Variants in PDE4D observed in about 807,000 individuals in gnomAD.
PDE4D encodes the protein phosphodiesterase 4D.
A neutral mutation model predicts 87.4 loss-of-function variants in PDE4D; 24 were observed. The observed-to-expected ratio is 0.27, with a 90% CI of 0.20 to 0.39. The LOEUF (loss-of-function observed/expected upper bound fraction) is 0.39. Among genes scored for constraint, PDE4D ranks in the 10% least tolerant of loss-of-function variants. The pLI is 1.00. For missense variants in PDE4D, 714 were observed against 1,041.0 expected, an observed-to-expected ratio of 0.69 and a Z score of 4.32; for synonymous variants, 384 against 383.2, an observed-to-expected ratio of 1.00 and a Z score of -0.02.
chr5:60,041,592 C>T (rs187638632), intron 2 of PDE4D, among the ~76,000 whole-genome samples: 311 of 152,218 alleles, frequency 2.0e-3, no homozygotes, highest in African/African-American at 7.1e-3. Context: ...GCATTTCTAA[C>T]GGAGATACCC....
chr5:59,589,595 A>G (rs1342160406), intron 1 of PDE4D, among the ~76,000 whole-genome samples: 1 of 152,208 alleles, frequency 6.6e-6, no homozygotes, highest in Non-Finnish European at 1.5e-5. Flanking sequence ...TGTAATGAAC[A>G]TCATTTATCT....
At chr5:60,156,870 C>T (rs1782025270) in intron 2 of PDE4D, among the ~76,000 whole-genome samples, 2 of 151,840 alleles carry the variant, frequency 1.3e-5, no homozygotes, top group Admixed American at 1.3e-4. Context: ...TATAATATAC[C>T]ATGAAAGAGA....
At chr5:59,896,943 T>C (rs1400372486), upstream of PDE4D, among the ~76,000 whole-genome samples, 1 of 152,212 alleles carries the variant, frequency 6.6e-6, no homozygotes, top group East Asian at 1.9e-4. Flanking sequence ...ACCCATTGGT[T>C]TTCCCTGCTT....
chr5:59,686,352 G>T (rs540538723), intron 1 of PDE4D, among the ~76,000 whole-genome samples: 59 of 152,188 alleles, frequency 3.9e-4, no homozygotes, highest in African/African-American at 1.4e-3. Flanking sequence ...TGAAGTAAAT[G>T]AGCTTAGGGA....
intron 5 of PDE4D, chr5:59,166,563 G>A (rs559117901): frequency 3.9e-5 from 6 of 152,278 alleles, no homozygotes; most frequent in Non-Finnish European, 7.4e-5. Context: ...CTGGGAAAAT[G>A]TGTTTATATG....
intron 1 of PDE4D, among the ~76,000 whole-genome samples, chr5:59,303,642 G>A (rs1314512840): frequency 6.6e-6 from 1 of 152,042 alleles, no homozygotes; most frequent in Non-Finnish European, 1.5e-5. Context: ...TTGTTGAAAA[G>A]GTTATCCTTT....
intron 1 of PDE4D, among the ~76,000 whole-genome samples, chr5:59,864,672 G>T (rs1406139539): frequency 6.6e-6 from 1 of 152,136 alleles, no homozygotes; most frequent in Non-Finnish European, 1.5e-5. Context: ...ATTTTTGGTG[G>T]TGTTATTTCC....
At chr5:59,354,507 T>C (rs940832064) in intron 1 of PDE4D, among the ~76,000 whole-genome samples, 1 of 152,192 alleles carries the variant, frequency 6.6e-6, no homozygotes, top group Admixed American at 6.5e-5. Context: ...GGTGTGTATA[T>C]GTGTCTGTAT....
At chr5:60,307,152 G>C (rs2149805842) in intron 1 of PDE4D, among the ~76,000 whole-genome samples, 1 of 151,878 alleles carries the variant, frequency 6.6e-6, no homozygotes, top group Non-Finnish European at 1.5e-5. Context: ...TATATTAAAA[G>C]AAAAAAATTC....
chr5:59,647,385 T>C (rs1742643372), intron 1 of PDE4D, among the ~76,000 whole-genome samples: 1 of 152,040 alleles, frequency 6.6e-6, no homozygotes, highest in Admixed American at 6.5e-5. Flanking sequence ...CATGGTAATA[T>C]TTCCTATCTT....
Position 59,162,138 on chromosome 5 carries a change from C to T in PDE4D, c.808+18457G>A, listed in dbSNP as rs1037315393. Among the ~76,000 whole-genome samples the T allele has an allele frequency of 5.3e-5, 8 of 152,168 alleles. No individual in the cohort carries two copies. The South Asian group carries it at 1.7e-3, about 32-fold the overall frequency. On this transcript the variant is annotated intron_variant, in intron 5 of 14. Coordinates refer to ENST00000340635, the MANE Select transcript of PDE4D (RefSeq NM_001104631.2). Reference sequence around the variant, plus strand: ...CCAAAACAATTCAGTTTATTAAAGGCCTAGGAAGCTGGGGACAAAACATCC... The same window carrying T: ...CCAAAACAATTCAGTTTATTAAAGGTCTAGGAAGCTGGGGACAAAACATCC...
intron 1 of PDE4D, among the ~76,000 whole-genome samples, chr5:60,252,126 G>A (rs1748543824): frequency 6.6e-6 from 1 of 151,846 alleles, no homozygotes; most frequent in South Asian, 2.1e-4. Context: ...CCACCCAGGT[G>A]TATCTAAGTA....
At chr5:59,609,828 A>G (rs1561317652) in intron 1 of PDE4D, among the ~76,000 whole-genome samples, 1 of 152,194 alleles carries the variant, frequency 6.6e-6, no homozygotes, top group Non-Finnish European at 1.5e-5. Context: ...TGAAAGGTGT[A>G]GTGGTTCTTG....
intron 1 of PDE4D, among the ~76,000 whole-genome samples, chr5:59,600,769 T>C (rs749117423): frequency 2.1e-4 from 32 of 152,162 alleles, no homozygotes; most frequent in Non-Finnish European, 4.3e-4. Context: ...AATTTTCAAA[T>C]TGAAATTGCT....
intron 1 of PDE4D, among the ~76,000 whole-genome samples, chr5:59,435,966 G>A (rs1796748943): frequency 6.6e-6 from 1 of 152,162 alleles, no homozygotes; most frequent in Non-Finnish European, 1.5e-5. Context: ...TAGAGGTGTT[G>A]GAGATGTGCC....
chr5:59,163,085 A>C (rs1048386238), intron 5 of PDE4D, among the ~76,000 whole-genome samples: 3 of 147,916 alleles, frequency 2.0e-5, no homozygotes, highest in Non-Finnish European at 4.5e-5. Context: ...GGCATGTGCC[A>C]CCATGCCTCC....
At chr5:60,404,063 G>A (rs527504830) in intron 1 of PDE4D, among the ~76,000 whole-genome samples, 1 of 151,884 alleles carries the variant, frequency 6.6e-6, no homozygotes, top group Admixed American at 6.5e-5. Flanking sequence ...GGAAGATCTA[G>A]GAAAAAGGAA....
chr5:60,432,869 C>T lies in PDE4D; in HGVS notation c.-90+55073G>A, dbSNP rs114558272. On this transcript the variant is annotated intron_variant, in intron 1 of 16. Coordinates refer to the PDE4D transcript ENST00000502484. ...CGATAAATGGTTCTGGGACAACTGG[C>T]TAATCATATGCCAAAGACTGAAACT... Among the ~76,000 whole-genome samples, 635 of 152,284 alleles carry T rather than the reference C, an allele frequency of 4.2e-3. 7 individuals are homozygous for T. The highest frequency in any genetic ancestry group is 0.015 in the African/African-American group (603 of 41,560).
chr5:59,565,404 A>T (rs294491), intron 1 of PDE4D, among the ~76,000 whole-genome samples: 5,934 of 152,228 alleles, frequency 0.039, 156 homozygotes, highest in East Asian at 0.14. Flanking sequence ...CTGTAGTCCC[A>T]CCTACTTGAG....
Sources: gnomAD v4.1 joint callset for allele counts (sites outside exome capture counted in the v4.1 genomes callset) on GRCh38, gnomAD v4.1.1 for gene constraint, MANE v1.5 for transcripts, NCBI Gene and HGNC (gene_info 2026-07-23, HGNC 2026-07-21) for gene names.